THEMIS: variants seen among roughly 807,000 people sequenced by gnomAD.
THEMIS encodes the protein thymocyte selection associated, also known as protein THEMIS.
THEMIS carries 37 observed loss-of-function variants against 52.6 expected under a neutral mutation model. That is an observed-to-expected ratio of 0.70 (90% CI 0.54 to 0.93). The LOEUF (loss-of-function observed/expected upper bound fraction) is 0.93. Among genes scored for constraint, THEMIS ranks in the 40% least tolerant of loss-of-function variants. THEMIS has a pLI of 0.00. For missense variants in THEMIS, 808 were observed against 763.1 expected, an observed-to-expected ratio of 1.06 and a Z score of -0.69; for synonymous variants, 292 against 272.7, an observed-to-expected ratio of 1.07 and a Z score of -0.70.
chr6:127,797,312 T>C (rs1394660160), intron 4 of THEMIS, among the ~76,000 whole-genome samples: 1 of 152,124 alleles, frequency 6.6e-6, no homozygotes, highest in Non-Finnish European at 1.5e-5. Flanking sequence ...AACCATCCCA[T>C]TGAGAACCAC....
In THEMIS at chr6:127,908,080, A is replaced by T. The variant is rs1000791193; in HGVS notation, c.-149-6999T>A. Among the ~76,000 whole-genome samples the T allele has an allele frequency of 2.0e-5, 3 of 152,254 alleles. 1 individual carries two copies. In the South Asian group the frequency reaches 6.2e-4, roughly 32 times the overall value. ...TTCATCACCACCTGGTTTTCAAAGA[A>T]GCTCCTGCCTCCCGGCACTTTTAGT... On this transcript the variant is annotated intron_variant, in intron 1 of 6. Transcript: ENST00000368250.
intron 1 of THEMIS, chr6:127,868,503 C>T: frequency 1.0e-6 from 1 of 985,126 alleles, no homozygotes; most frequent in African/African-American, 1.7e-5. Flanking sequence ...TCTGGTGTGC[C>T]ACAAATTGGT....
chr6:127,724,087 G>T (rs1215212704), intron 4 of THEMIS, among the ~76,000 whole-genome samples: 4 of 152,004 alleles, frequency 2.6e-5, no homozygotes, highest in Non-Finnish European at 5.9e-5. Flanking sequence ...ACACTCACAT[G>T]CATAAGCAAG....
At chr6:127,887,308 C>A (rs1780676073) in intron 1 of THEMIS, among the ~76,000 whole-genome samples, 1 of 151,872 alleles carries the variant, frequency 6.6e-6, no homozygotes, top group Admixed American at 6.6e-5. Context: ...TAAGGAAATG[C>A]AAATTAAAAC....
chr6:127,747,303 G>A (rs976370367), intron 4 of THEMIS, among the ~76,000 whole-genome samples: 1 of 130,180 alleles, frequency 7.7e-6, no homozygotes, highest in African/African-American at 2.6e-5. Context: ...TCTGTTAATG[G>A]TATATAATTA....
intron 2 of THEMIS, among the ~76,000 whole-genome samples, chr6:127,830,687 CA>C (rs577155316): frequency 4.9e-5 from 7 of 143,490 alleles, no homozygotes; most frequent in Non-Finnish European, 9.1e-5. Context: ...CTCTGTCTCT[CA>C]AAAAAAAATA....
intron 4 of THEMIS, among the ~76,000 whole-genome samples, chr6:127,784,389 A>C (rs960368712): frequency 6.6e-6 from 1 of 152,178 alleles, no homozygotes; most frequent in African/African-American, 2.4e-5. Context: ...TATATGTAAA[A>C]AAAAAATTCC....
chr6:127,800,181 T>C (rs1410973926), intron 4 of THEMIS, among the ~76,000 whole-genome samples: 1 of 152,218 alleles, frequency 6.6e-6, no homozygotes, highest in African/African-American at 2.4e-5. Context: ...CTAAATGAGT[T>C]GATGCATGTA....
intron 4 of THEMIS, among the ~76,000 whole-genome samples, chr6:127,753,913 AATG>A (rs1190698082): frequency 2.6e-5 from 4 of 151,840 alleles, no homozygotes; most frequent in African/African-American, 4.8e-5. Flanking sequence ...AACAACAATA[AATG>A]ATGATGATGA....
At chr6:127,848,494 C>T (rs571538949) in intron 2 of THEMIS, among the ~76,000 whole-genome samples, 24 of 152,024 alleles carry the variant, frequency 1.6e-4, no homozygotes, top group Admixed American at 5.2e-4. Flanking sequence ...CCTGAAGAAT[C>T]GCCACACTGT....
intron 1 of THEMIS, among the ~76,000 whole-genome samples, chr6:127,856,274 A>G (rs1038156119): frequency 2.6e-5 from 4 of 151,992 alleles, no homozygotes; most frequent in Non-Finnish European, 5.9e-5. Flanking sequence ...GGTTGCCAGA[A>G]AAGTTAGTAA....
chr6:127,879,897 C>T (rs1780427773), intron 1 of THEMIS, among the ~76,000 whole-genome samples: 1 of 152,116 alleles, frequency 6.6e-6, no homozygotes, highest in Middle Eastern at 3.4e-3. Flanking sequence ...GGAAATGCGC[C>T]CCCACCTCGG....
At chr6:127,723,125 T>C (rs1404338682) in intron 4 of THEMIS, among the ~76,000 whole-genome samples, 2 of 152,086 alleles carry the variant, frequency 1.3e-5, no homozygotes, top group African/African-American at 4.8e-5. Context: ...CCACAGTTTC[T>C]GCCAAGGCTA....
intron 1 of THEMIS, among the ~76,000 whole-genome samples, chr6:127,914,533 G>T (rs916624060): frequency 6.6e-6 from 1 of 152,050 alleles, no homozygotes; most frequent in Admixed American, 6.6e-5. Context: ...ATAGCCTATT[G>T]CTCCTAGGCT....
At chr6:127,782,346 G>T (rs2114485784) in intron 4 of THEMIS, among the ~76,000 whole-genome samples, 1 of 151,938 alleles carries the variant, frequency 6.6e-6, no homozygotes, top group East Asian at 1.9e-4. Context: ...ACTGGGGTAG[G>T]AAAAAAAACT....
At chr6:127,884,914 A>G (rs994300725) in intron 1 of THEMIS, among the ~76,000 whole-genome samples, 1 of 152,066 alleles carries the variant, frequency 6.6e-6, no homozygotes, top group Non-Finnish European at 1.5e-5. Flanking sequence ...GTGTGCACAC[A>G]CGCATGTGTG....
chr6:127,868,740 T>C lies in THEMIS; in HGVS notation c.92-13552A>G, dbSNP rs561958468. On this transcript the variant is annotated intron_variant, in intron 1 of 5. Transcript: ENST00000368248. Reference sequence around the variant, plus strand: ...ACTCTTAATGGAGACGATAAGCTGTTGTTTTTCATATAGTGGTTGGCTGAG... The same window carrying C: ...ACTCTTAATGGAGACGATAAGCTGTCGTTTTTCATATAGTGGTTGGCTGAG... Among the ~76,000 whole-genome samples, 17 of 152,308 alleles carry C rather than the reference T, an allele frequency of 1.1e-4. No homozygotes were observed. The East Asian group carries it at 3.3e-3, about 29-fold the overall frequency.
chr6:127,699,259 G>C, the THEMIS span, among the ~76,000 whole-genome samples: 1 of 151,458 alleles, frequency 6.6e-6, no homozygotes, highest in Admixed American at 6.6e-5. Context: ...ATCTTCTACT[G>C]TCACATTTTG....
chr6:127,845,441 G>C (rs921641798), intron 2 of THEMIS, among the ~76,000 whole-genome samples: 7 of 151,816 alleles, frequency 4.6e-5, no homozygotes, highest in Non-Finnish European at 1.0e-4. Flanking sequence ...CAAACTTTGT[G>C]GCACTTTAAC....
Sources: allele counts gnomAD v4.1 joint callset (sites outside exome capture counted in the v4.1 genomes callset), GRCh38; gene constraint gnomAD v4.1.1; transcripts MANE v1.5; gene names NCBI Gene and HGNC (gene_info 2026-07-23, HGNC 2026-07-21).